The following TMPRSS9 variants were observed in gnomAD, a reference collection of about 807,000 sequenced individuals.
TMPRSS9 encodes the protein transmembrane serine protease 9, also known as transmembrane protease serine 9.
Under a neutral mutation model 111.4 loss-of-function variants are expected in TMPRSS9, and 113 were observed. The ratio of observed to expected loss-of-function variants is 1.01; its 90% CI spans 0.87 to 1.19. The LOEUF (loss-of-function observed/expected upper bound fraction) is 1.19, where lower values mean the gene tolerates loss of function less well. Ranked by LOEUF, TMPRSS9 falls within the 50% of genes most tolerant of loss-of-function variation. TMPRSS9 has a pLI of 0.00. For synonymous variants in TMPRSS9, 805 were observed against 659.1 expected (o/e 1.22, Z -3.39); for missense variants, 1,803 against 1,513.1 (o/e 1.19, Z -3.18).
At chr19:2,412,372 C>T in intron 9 of TMPRSS9, among the ~76,000 whole-genome samples, 1 of 152,148 alleles carries the variant, frequency 6.6e-6, no homozygotes, top group African/African-American at 2.4e-5. Context: ...CCACTGTACT[C>T]TAGCCTGAGT....
At chr19:2,391,029 AAGAAAGGGAGGG>A (rs71178270) in intron 1 of TMPRSS9, among the ~76,000 whole-genome samples, 45,429 of 139,358 alleles carry the variant, frequency 0.33, 8,146 homozygotes, top group East Asian at 0.6. Context: ...GAAAGAAAGA[AAGAAAGGGAGGG>A]AGGGAGGGAG....
chr19:2,426,021 A>G (rs140960972), exon 18 of TMPRSS9: 1 of 1,607,628 alleles, frequency 6.2e-7, no homozygotes, highest in African/African-American at 1.3e-5. Flanking sequence ...GGCCGGCCCC[A>G]CTTCCCAGGT....
chr19:2,403,968 G>A (rs796797562), intron 6 of TMPRSS9, among the ~76,000 whole-genome samples: 36 of 145,952 alleles, frequency 2.5e-4, no homozygotes, highest in African/African-American at 8.5e-4. Context: ...ACTCCAGCCT[G>A]GCAACAGAGC....
At position 2,368,774 on chromosome 19, in the gene TMPRSS9, G is replaced by GTTTTTTTTTTTTTTTTTTTTTTTTT. The variant is rs762761358; in HGVS notation, c.-26+8417_-26+8441dup. On this transcript the variant is annotated intron_variant, in intron 1 of 17. Coordinates refer to the TMPRSS9 transcript ENST00000649857. ...TGCCAGGGCATCAAGGATAAACCCA[G>GTTTTTTTTTTTTTTTTTTTTTTTTT]TTTTTTTTTTTTTTTTTTTTTTTTT... Among the ~76,000 whole-genome samples, 11 of 70,364 alleles carry GTTTTTTTTTTTTTTTTTTTTTTTTT rather than the reference G, an allele frequency of 1.6e-4. 2 individuals are homozygous for GTTTTTTTTTTTTTTTTTTTTTTTTT. Among genetic ancestry groups the GTTTTTTTTTTTTTTTTTTTTTTTTT allele is most frequent in the African/African-American group, 3.0e-4 (5 of 16,540 alleles). The allele number at this position is 70,364 out of a possible 152,430, so 46.2% of individuals were successfully genotyped here.
At chr19:2,378,162 G>C (rs981165438) in intron 1 of TMPRSS9, among the ~76,000 whole-genome samples, 7 of 152,162 alleles carry the variant, frequency 4.6e-5, no homozygotes, top group East Asian at 1.9e-4. Flanking sequence ...TGACAGGCAT[G>C]AGCTGCCACA....
At chr19:2,373,429 G>C (rs543726404) in intron 1 of TMPRSS9, among the ~76,000 whole-genome samples, 15 of 150,288 alleles carry the variant, frequency 1.0e-4, no homozygotes, top group Non-Finnish European at 1.2e-4. Flanking sequence ...AGGGTTTTGT[G>C]ATGTTGGCCA....
chr19:2,424,741 G>C (rs572130545), intron 15 of TMPRSS9, among the ~76,000 whole-genome samples: 1 of 152,278 alleles, frequency 6.6e-6, no homozygotes, highest in South Asian at 2.1e-4. Flanking sequence ...GAGGTCAGAA[G>C]GGGAGGGCAG....
chr19:2,414,079 G>T (rs540712683), intron 10 of TMPRSS9, 61 bp downstream of exon 11: 1 of 1,435,596 alleles, frequency 7.0e-7, no homozygotes, highest in Non-Finnish European at 9.3e-7. Flanking sequence ...TAGGGAGAAC[G>T]GATATCGTCA....
At chr19:2,381,619 C>T (rs57140875) in intron 1 of TMPRSS9, among the ~76,000 whole-genome samples, 1 of 151,782 alleles carries the variant, frequency 6.6e-6, no homozygotes, top group African/African-American at 2.4e-5. Flanking sequence ...TTGCTCCATG[C>T]CGCCCCTGCC....
upstream of TMPRSS9, among the ~76,000 whole-genome samples, chr19:2,388,887 A>G (rs1380304738): frequency 6.6e-6 from 1 of 151,332 alleles, no homozygotes; most frequent in Non-Finnish European, 1.5e-5. Flanking sequence ...GCCTCCCACA[A>G]TGCTGGGATT....
chr19:2,412,055 C>G (rs1314468393), intron 9 of TMPRSS9, among the ~76,000 whole-genome samples: 1 of 152,082 alleles, frequency 6.6e-6, no homozygotes, highest in African/African-American at 2.4e-5. Context: ...TCTGTTGTAA[C>G]TGAGTGTCTT....
At position 2,389,934 on chromosome 19, in the gene TMPRSS9, G is replaced by A. The variant is rs1477018657; in HGVS notation, c.142+7G>A. 1.2e-6 allele frequency: 2 copies of A among 1,602,182 alleles called. No individual in the cohort carries two copies. ...ACCCTGGGAGTCCTTTTGGGTAAGT[G>A]GCTATGGGATTGGCTGGGTTCGCAA... On this transcript the variant is annotated splice_region_variant and intron_variant, in intron 1 of 17. Coordinates refer to ENST00000648592, the Ensembl canonical transcript of TMPRSS9.
In TMPRSS9 at chr19:2,389,881, CG is replaced by C. The variant is rs774764034; in HGVS notation, c.97del (p.Val33TrpfsTer51). 5.0e-6 allele frequency: 8 copies of C among 1,613,762 alleles called. No individual in the cohort carries two copies. The highest frequency in any genetic ancestry group is 6.8e-6 in the Non-Finnish European group (8 of 1,179,764). On this transcript the variant is annotated frameshift_variant, in exon 1 of 18. Transcript: ENST00000648592. LOFTEE classifies it high-confidence loss of function. ...CGTGCTGTCGAGCGGCCAGCATTGG[CG>C]TGGTGGCCACCAGCCTTGTCGTCCT...
intron 1 of TMPRSS9, among the ~76,000 whole-genome samples, chr19:2,375,410 T>C (rs1970324186): frequency 6.9e-6 from 1 of 143,944 alleles, no homozygotes; most frequent in Admixed American, 6.7e-5. Flanking sequence ...TGTGGACCAA[T>C]CACTGATGGG....
At chr19:2,426,252 C>CT, downstream of TMPRSS9, 1 of 377,646 alleles carries the variant, frequency 2.6e-6, no homozygotes, top group Non-Finnish European at 3.8e-6. Flanking sequence ...AACACAGCCC[C>CT]TCCACCCTAG....
intron 1 of TMPRSS9, among the ~76,000 whole-genome samples, chr19:2,376,198 C>A (rs1229736531): frequency 6.6e-6 from 1 of 152,116 alleles, no homozygotes; most frequent in Non-Finnish European, 1.5e-5. Flanking sequence ...GGGCCCCTTC[C>A]TCTCCCTTCA....
intron 1 of TMPRSS9, among the ~76,000 whole-genome samples, chr19:2,373,377 C>T (rs767412955): frequency 4.6e-5 from 7 of 151,818 alleles, no homozygotes; most frequent in Middle Eastern, 3.4e-3. Context: ...ATTACAGGCA[C>T]GCCACCACAC....
chr19:2,405,440 G>A, exon 7 of TMPRSS9: 3 of 1,608,314 alleles, frequency 1.9e-6, no homozygotes, highest in Non-Finnish European at 2.5e-6. Context: ...GCATCCCCGG[G>A]GGAGTTTCCG....
chr19:2,415,842 G>A lies in TMPRSS9; in HGVS notation c.1745+1G>A. 2 of 1,579,730 alleles carry A rather than the reference G, an allele frequency of 1.3e-6. No individual in the cohort carries two copies. The highest frequency in any genetic ancestry group is 1.7e-6 in the Non-Finnish European group (2 of 1,158,968). On this transcript the variant is annotated splice_donor_variant, in intron 11 of 17. Transcript: ENST00000648592. LOFTEE classifies it high-confidence loss of function. The stretch of plus-strand genomic sequence containing the variant: ...TGTCTGCCGCCCACTGCTTCAACCA[G>A]TAAGGCCCGCCTCCTCCAGGAAGGC...
Sources: allele counts gnomAD v4.1 joint callset (sites outside exome capture counted in the v4.1 genomes callset), GRCh38; gene constraint gnomAD v4.1.1; transcripts MANE v1.5; gene names NCBI Gene and HGNC (gene_info 2026-07-23, HGNC 2026-07-21).